Variants in RBMS1 observed in about 807,000 individuals in gnomAD.
RBMS1 encodes the protein RNA binding motif single stranded interacting protein 1.
RBMS1 carries 17 observed loss-of-function variants against 62.3 expected under a neutral mutation model. The ratio of observed to expected loss-of-function variants is 0.27; its 90% confidence interval spans 0.19 to 0.41. RBMS1 has a LOEUF of 0.41. Among genes scored for constraint, RBMS1 ranks in the 10% least tolerant of loss-of-function variants. The pLI is 1.00. For missense variants in RBMS1, 334 were observed against 504.5 expected, an observed-to-expected ratio of 0.66 and a Z score of 3.24; for synonymous variants, 172 against 170.0, an observed-to-expected ratio of 1.01 and a Z score of -0.09.
At chr2:160,383,457 G>GGC (rs1559479853) in intron 1 of RBMS1, among the ~76,000 whole-genome samples, 9 of 150,676 alleles carry the variant, frequency 6.0e-5, no homozygotes, top group African/African-American at 2.2e-4. Context: ...ATGAATTGGG[G>GGC]GGGGGGGAAC....
At chr2:160,381,235 C>T (rs999315916) in intron 1 of RBMS1, among the ~76,000 whole-genome samples, 4 of 152,050 alleles carry the variant, frequency 2.6e-5, no homozygotes, top group African/African-American at 9.7e-5. Flanking sequence ...AATGTTTTCC[C>T]TTAATAGGGG....
intron 1 of RBMS1, chr2:160,407,593 A>AG: frequency 3.1e-6 from 3 of 981,582 alleles, no homozygotes; most frequent in Non-Finnish European, 3.6e-6. Context: ...CCTCGCCGCG[A>AG]GGGGGAGGGC....
chr2:160,439,825 G>GAA (rs1360110627), intron 1 of RBMS1, among the ~76,000 whole-genome samples: 6 of 152,216 alleles, frequency 3.9e-5, no homozygotes, highest in Non-Finnish European at 8.8e-5. Context: ...GGCCGAGGCT[G>GAA]GCGGATCACT....
chr2:160,360,256 T>A (rs1000332989), intron 2 of RBMS1, among the ~76,000 whole-genome samples: 1 of 152,074 alleles, frequency 6.6e-6, no homozygotes. Flanking sequence ...GTCGGTGCCT[T>A]TCATGTGTGC....
At chr2:160,467,177 G>A (rs1684729286) in intron 1 of RBMS1, among the ~76,000 whole-genome samples, 1 of 151,638 alleles carries the variant, frequency 6.6e-6, no homozygotes, top group South Asian at 2.1e-4. Context: ...AAAAAGATGG[G>A]CGTTCCTGCA....
intron 6 of RBMS1, among the ~76,000 whole-genome samples, chr2:160,300,017 G>A (rs1371770805): frequency 6.6e-6 from 1 of 152,176 alleles, no homozygotes; most frequent in Non-Finnish European, 1.5e-5. Context: ...GGGATGGGGT[G>A]CAAGAAAAAG....
chr2:160,274,532 T>G lies in RBMS1; in HGVS notation c.*240A>C, dbSNP rs1687730829. ...TCTTTTGTTTTTGTTTTTTGTTTTTTTTTTTTTACTAAAATAAACCTGTTC... is the reference window on the plus strand; with the variant it reads ...TCTTTTGTTTTTGTTTTTTGTTTTTGTTTTTTTACTAAAATAAACCTGTTC... On this transcript the variant is annotated 3_prime_UTR_variant, in exon 14 of 14. Transcript: ENST00000348849. The G allele has an allele frequency of 1.3e-5, 2 of 151,648 alleles. No homozygotes were observed. Among genetic ancestry groups the G allele is most frequent in the South Asian group, 4.2e-4 (2 of 4,818 alleles). 9.4% of individuals were successfully genotyped at this position (151,648 alleles called of 1,614,324 possible).
At position 160,274,055 on chromosome 2, in the gene RBMS1, T is replaced by C. The variant is rs1250582705; in HGVS notation, c.*717A>G. ...TATTGACTACCTTTTAAAAGCCCTATGCTGCTGTTTTACAAGGCATAATAG... is the reference window on the plus strand; with the variant it reads ...TATTGACTACCTTTTAAAAGCCCTACGCTGCTGTTTTACAAGGCATAATAG... On this transcript the variant is annotated 3_prime_UTR_variant, in exon 14 of 14. Coordinates refer to ENST00000348849, the MANE Select transcript of RBMS1 (RefSeq NM_016836.4). The C allele has an allele frequency of 1.3e-5, 2 of 152,694 alleles. No individual in the cohort carries two copies. The highest frequency in any genetic ancestry group is 2.9e-5 in the Non-Finnish European group (2 of 68,048). 9.5% of individuals were successfully genotyped at this position (152,694 alleles called of 1,614,324 possible).
At chr2:160,400,062 C>T (rs1363573574) in intron 1 of RBMS1, among the ~76,000 whole-genome samples, 6 of 152,182 alleles carry the variant, frequency 3.9e-5, no homozygotes. Flanking sequence ...TCCTCCCCAT[C>T]TTGCTCTGGA....
chr2:160,308,127 C>T (rs78970357), intron 4 of RBMS1, among the ~76,000 whole-genome samples: 10,658 of 152,160 alleles, frequency 0.07, 527 homozygotes, highest in Non-Finnish European at 0.11. Context: ...AAATCATTTC[C>T]CCACTGGGTG....
At chr2:160,360,529 A>G (rs1241751553) in intron 2 of RBMS1, among the ~76,000 whole-genome samples, 2 of 152,180 alleles carry the variant, frequency 1.3e-5, no homozygotes, top group African/African-American at 4.8e-5. Flanking sequence ...CCAGCCTCAT[A>G]TTCCTTTACA....
At chr2:160,369,532 C>T (rs1257087881) in intron 1 of RBMS1, among the ~76,000 whole-genome samples, 2 of 152,220 alleles carry the variant, frequency 1.3e-5, no homozygotes, top group Non-Finnish European at 2.9e-5. Flanking sequence ...CTAGACAGGA[C>T]TGAATTTTCT....
At chr2:160,275,403 G>T in intron 13 of RBMS1, 1 of 651,024 alleles carries the variant, frequency 1.5e-6, no homozygotes, top group South Asian at 5.5e-5. Context: ...TTAGTGGGGA[G>T]AGTATACATT....
intron 2 of RBMS1, among the ~76,000 whole-genome samples, chr2:160,334,782 C>T (rs1691475794): frequency 6.6e-6 from 1 of 152,108 alleles, no homozygotes; most frequent in Admixed American, 6.6e-5. Context: ...ACCCTTTAGT[C>T]ACCATTCCAG....
intron 2 of RBMS1, among the ~76,000 whole-genome samples, chr2:160,349,622 T>C (rs1229632118): frequency 6.6e-6 from 1 of 151,246 alleles, no homozygotes; most frequent in Non-Finnish European, 1.5e-5. Context: ...ACCCCAGGAA[T>C]AGGTCATGAG....
At chr2:160,390,913 CAT>C (rs1198997484) in intron 1 of RBMS1, among the ~76,000 whole-genome samples, 1 of 151,648 alleles carries the variant, frequency 6.6e-6, no homozygotes, top group African/African-American at 2.4e-5. Flanking sequence ...ATAACATTTC[CAT>C]ATACATTATG....
intron 2 of RBMS1, among the ~76,000 whole-genome samples, chr2:160,362,863 G>A (rs572550121): frequency 2.4e-4 from 37 of 152,156 alleles, no homozygotes; most frequent in African/African-American, 8.7e-4. Flanking sequence ...CCTCAAGGAA[G>A]AGGAGGTTGG....
At chr2:160,444,546 A>C (rs1683558363) in intron 1 of RBMS1, among the ~76,000 whole-genome samples, 1 of 152,228 alleles carries the variant, frequency 6.6e-6, no homozygotes, top group Non-Finnish European at 1.5e-5. Flanking sequence ...AAAACCGAGA[A>C]ACAAAAAGGG....
chr2:160,466,827 G>A (rs1376853120), intron 1 of RBMS1, among the ~76,000 whole-genome samples: 2 of 152,166 alleles, frequency 1.3e-5, no homozygotes, highest in Non-Finnish European at 2.9e-5. Flanking sequence ...GTGTGACGGA[G>A]GTTTCAAATC....
Sources: allele counts gnomAD v4.1 joint callset (sites outside exome capture counted in the v4.1 genomes callset), GRCh38; gene constraint gnomAD v4.1.1; transcripts MANE v1.5; gene names NCBI Gene and HGNC (gene_info 2026-07-23, HGNC 2026-07-21).